GRM7: variants seen among roughly 807,000 people sequenced by gnomAD.
GRM7 encodes metabotropic glutamate receptor 7.
GRM7 carries 35 observed loss-of-function variants against 84.5 expected under a neutral mutation model. The ratio of observed to expected loss-of-function variants is 0.41; its 90% CI spans 0.32 to 0.55. The LOEUF is 0.55. Ranked by LOEUF, GRM7 falls within the 20% of genes least tolerant of loss-of-function variation. GRM7 has a pLI of 0.19. For missense variants in GRM7, 1,003 were observed against 1,194.6 expected (o/e 0.84, Z 2.36); for synonymous variants, 487 against 455.1 (o/e 1.07, Z -0.89).
At chr3:7,247,385 A>G (rs1430064428) in intron 2 of GRM7, among the ~76,000 whole-genome samples, 1 of 152,022 alleles carries the variant, frequency 6.6e-6, no homozygotes, top group Non-Finnish European at 1.5e-5. Flanking sequence ...CAGCTTGGGC[A>G]AAATGTGAGA....
intron 4 of GRM7, among the ~76,000 whole-genome samples, chr3:7,387,374 C>T (rs1169003979): frequency 3.9e-5 from 6 of 152,106 alleles, no homozygotes; most frequent in Non-Finnish European, 7.4e-5. Context: ...TAGGCCAATG[C>T]CTAGAAGAGT....
At chr3:7,060,669 T>G (rs1455531133) in intron 1 of GRM7, among the ~76,000 whole-genome samples, 1 of 151,788 alleles carries the variant, frequency 6.6e-6, no homozygotes, top group Non-Finnish European at 1.5e-5. Flanking sequence ...ACCAACATTA[T>G]GCTGACTCAA....
intron 9 of GRM7, chr3:7,691,373 C>A: frequency 1.5e-6 from 1 of 648,382 alleles, no homozygotes; most frequent in Non-Finnish European, 2.2e-6. Flanking sequence ...CATGTGCTAT[C>A]TTTTTCTCTG....
At chr3:6,911,148 T>G (rs1349525564) in intron 1 of GRM7, among the ~76,000 whole-genome samples, 1 of 152,204 alleles carries the variant, frequency 6.6e-6, no homozygotes, top group African/African-American at 2.4e-5. Flanking sequence ...TTTCTCTGCT[T>G]ATGAGAAAGT....
chr3:7,019,797 T>TA (rs200289628), intron 1 of GRM7, among the ~76,000 whole-genome samples: 3,068 of 152,122 alleles, frequency 0.02, 50 homozygotes, highest in Middle Eastern at 0.066. Context: ...AACATAGAAA[T>TA]AAAAAACCCA....
chr3:7,348,220 A>G (rs1377513513), intron 4 of GRM7, among the ~76,000 whole-genome samples: 2 of 152,176 alleles, frequency 1.3e-5, no homozygotes, highest in South Asian at 4.2e-4. Context: ...CCATATATCT[A>G]TGGACTTCAG....
chr3:7,146,196 G>A (rs536379101), intron 1 of GRM7, among the ~76,000 whole-genome samples: 2 of 152,192 alleles, frequency 1.3e-5, no homozygotes, highest in Non-Finnish European at 2.9e-5. Flanking sequence ...CCTGACCTTG[G>A]AATTCCCATG....
intron 8 of GRM7, among the ~76,000 whole-genome samples, chr3:7,596,339 T>C (rs1346100296): frequency 6.6e-6 from 1 of 152,130 alleles, no homozygotes; most frequent in Non-Finnish European, 1.5e-5. Flanking sequence ...GGTGAAGATG[T>C]CAGCTAGGAG....
chr3:7,689,762 A>G (rs1700728150), intron 9 of GRM7, among the ~76,000 whole-genome samples: 1 of 152,180 alleles, frequency 6.6e-6, no homozygotes, highest in Admixed American at 6.5e-5. Flanking sequence ...GCACTGCCCT[A>G]TCTGGTCAAG....
intron 1 of GRM7, among the ~76,000 whole-genome samples, chr3:6,895,276 T>A (rs535505331): frequency 6.6e-6 from 1 of 152,280 alleles, no homozygotes; most frequent in Non-Finnish European, 1.5e-5. Flanking sequence ...AATGCCAATA[T>A]GTTTTTGCCA....
chr3:7,039,732 A>G (rs1053408296), intron 1 of GRM7, among the ~76,000 whole-genome samples: 2 of 152,032 alleles, frequency 1.3e-5, no homozygotes, highest in African/African-American at 4.8e-5. Flanking sequence ...AAAATCTCTC[A>G]GAATCCCTAG....
At chr3:7,458,021 C>T (rs543394471) in intron 6 of GRM7, among the ~76,000 whole-genome samples, 9 of 152,220 alleles carry the variant, frequency 5.9e-5, no homozygotes, top group South Asian at 2.1e-4. Flanking sequence ...ATCAGGAACC[C>T]GAACAAATGC....
intron 1 of GRM7, among the ~76,000 whole-genome samples, chr3:7,066,775 C>T (rs1271596850): frequency 1.3e-5 from 2 of 151,878 alleles, no homozygotes; most frequent in African/African-American, 2.4e-5. Context: ...AAATCCTTAA[C>T]AAAATACTAG....
At chr3:7,539,407 T>G (rs1365754309) in intron 7 of GRM7, among the ~76,000 whole-genome samples, 1 of 152,180 alleles carries the variant, frequency 6.6e-6, no homozygotes, top group Non-Finnish European at 1.5e-5. Context: ...CCAGGTGTGG[T>G]GGCTCACGCC....
intron 1 of GRM7, among the ~76,000 whole-genome samples, chr3:7,045,361 A>G (rs1696767827): frequency 6.6e-6 from 1 of 152,138 alleles, no homozygotes; most frequent in Non-Finnish European, 1.5e-5. Context: ...TAAAATTGCA[A>G]GGTCTCACTT....
chr3:7,723,718 C>T (rs957175887), intron 9 of GRM7, among the ~76,000 whole-genome samples: 1 of 151,982 alleles, frequency 6.6e-6, no homozygotes, highest in Admixed American at 6.6e-5. Context: ...GGCATGGTGG[C>T]GTGCACCTGT....
chr3:7,677,078 G>A (rs113376260), intron 8 of GRM7, among the ~76,000 whole-genome samples: 2,800 of 151,772 alleles, frequency 0.018, 90 homozygotes, highest in African/African-American at 0.064. Flanking sequence ...TGGCTAACAC[G>A]GTGAAACCCC....
At chr3:7,579,910 T>A (rs1323314244) in intron 8 of GRM7, among the ~76,000 whole-genome samples, 1 of 152,222 alleles carries the variant, frequency 6.6e-6, no homozygotes, top group African/African-American at 2.4e-5. Flanking sequence ...TAGGAAAGAT[T>A]TGGTTAGCAT....
chr3:7,287,375 G>T (rs1013783504), intron 2 of GRM7, among the ~76,000 whole-genome samples: 3 of 152,134 alleles, frequency 2.0e-5, no homozygotes, highest in Non-Finnish European at 4.4e-5. Context: ...TGCTTCAAAT[G>T]TCTTGTTTTA....
Sources: allele counts gnomAD v4.1 joint callset (sites outside exome capture counted in the v4.1 genomes callset), GRCh38; gene constraint gnomAD v4.1.1; transcripts MANE v1.5; gene names NCBI Gene and HGNC (gene_info 2026-07-23, HGNC 2026-07-21).